OR9Q1: variants seen among roughly 807,000 people sequenced by gnomAD.
OR9Q1 encodes the protein olfactory receptor family 9 subfamily Q member 1.
For synonymous variants in OR9Q1, 153 were observed against 148.6 expected (o/e 1.03, Z -0.22); for missense variants, 374 against 378.8 (o/e 0.99, Z 0.11).
At chr11:58,169,121 T>C (rs970876824) in intron 2 of OR9Q1, among the ~76,000 whole-genome samples, 3 of 152,296 alleles carry the variant, frequency 2.0e-5, no homozygotes, top group East Asian at 1.9e-4. Context: ...TTTAAAGACA[T>C]TTTTCTTTCC....
intron 1 of OR9Q1, among the ~76,000 whole-genome samples, chr11:58,042,532 T>C (rs2119943473): frequency 6.6e-6 from 1 of 151,628 alleles, no homozygotes; most frequent in South Asian, 2.1e-4. Flanking sequence ...AGTACCATGC[T>C]GTTTTGGTGA....
intron 2 of OR9Q1, among the ~76,000 whole-genome samples, chr11:58,155,950 T>C (rs1358577815): frequency 2.1e-4 from 32 of 151,360 alleles, no homozygotes; most frequent in Non-Finnish European, 3.5e-4. Flanking sequence ...GACTTGCTCT[T>C]TCACCCTGGC....
intron 2 of OR9Q1, among the ~76,000 whole-genome samples, chr11:58,088,893 T>G (rs1305093374): frequency 1.3e-5 from 2 of 151,806 alleles, no homozygotes; most frequent in Middle Eastern, 3.2e-3. Context: ...TTTTTGTTTT[T>G]GAGACGGAGT....
At chr11:58,138,341 T>C (rs755029224) in intron 2 of OR9Q1, among the ~76,000 whole-genome samples, 3 of 152,184 alleles carry the variant, frequency 2.0e-5, no homozygotes, top group Non-Finnish European at 4.4e-5. Context: ...TTAAGCACAG[T>C]GAATTTGGAG....
Position 58,037,150 on chromosome 11 carries a change from C to T in OR9Q1, c.-93+13046C>T, listed in dbSNP as rs568456600. The stretch of plus-strand genomic sequence containing the variant: ...AGCAGCCATCGATATTGAGGCAAGT[C>T]CCTCTATAAGCAAAAAGATTAAGAT... On this transcript the variant is annotated intron_variant, in intron 1 of 2. Transcript: ENST00000335397. Among the ~76,000 whole-genome samples the T allele has an allele frequency of 3.3e-5, 5 of 152,284 alleles. No homozygotes were observed. The South Asian group carries it at 1.0e-3, about 32-fold the overall frequency.
chr11:58,096,128 C>A (rs1209007659), intron 2 of OR9Q1, among the ~76,000 whole-genome samples: 1 of 148,626 alleles, frequency 6.7e-6, no homozygotes, highest in Non-Finnish European at 1.5e-5. Flanking sequence ...CCCTCATTTT[C>A]TCTCTCTCTC....
chr11:58,026,601 G>A (rs1852975369), intron 1 of OR9Q1: 1 of 143,574 alleles, frequency 7.0e-6, no homozygotes, highest in African/African-American at 2.6e-5. Flanking sequence ...AGAATCACTT[G>A]AACCTAGGAG....
intron 1 of OR9Q1, among the ~76,000 whole-genome samples, chr11:58,027,751 G>A (rs967184329): frequency 2.2e-4 from 34 of 152,112 alleles, no homozygotes; most frequent in African/African-American, 7.7e-4. Flanking sequence ...ATAAAAAGCC[G>A]TCGGCTGTCC....
At position 58,180,375 on chromosome 11, in the gene OR9Q1, T is replaced by C. The variant is rs765057049; in HGVS notation, c.931T>C (p.Ter311GlnextTer25). ...AATTCTCAATAGAGCCAAGTTGTCC[T>C]AACCATCTCCAAACTTGGAAAATCC... ...RKILNRAKLS[*>Q] Residue 311 changes from the stop codon to glutamine, a stop_lost, in exon 3 of 3, where the codon TAA becomes CAA. Coordinates refer to ENST00000335397, the MANE Select transcript of OR9Q1 (RefSeq NM_001005212.4). The C allele has an allele frequency of 6.4e-7, 1 of 1,559,482 alleles. No homozygotes were observed. The highest frequency in any genetic ancestry group is 1.9e-5 in the Admixed American group (1 of 53,286).
intron 1 of OR9Q1, chr11:58,031,958 A>AGGT: frequency 9.6e-7 from 1 of 1,041,910 alleles, no homozygotes. Context: ...AAAACAGGTT[A>AGGT]GTCAATAACA....
At chr11:58,087,995 C>T (rs1853649675) in intron 2 of OR9Q1, among the ~76,000 whole-genome samples, 1 of 151,814 alleles carries the variant, frequency 6.6e-6, no homozygotes, top group Non-Finnish European at 1.5e-5. Flanking sequence ...TCATGCAATT[C>T]TTGTGCCTCA....
At chr11:58,092,764 A>G (rs1853696419) in intron 2 of OR9Q1, among the ~76,000 whole-genome samples, 1 of 152,100 alleles carries the variant, frequency 6.6e-6, no homozygotes, top group South Asian at 2.1e-4. Flanking sequence ...TTTGTGCTTT[A>G]TTTACCACAA....
At chr11:58,087,768 A>G (rs1197164874) in intron 2 of OR9Q1, among the ~76,000 whole-genome samples, 1 of 143,288 alleles carries the variant, frequency 7.0e-6, no homozygotes. Context: ...CCCTGTGTCC[A>G]TATGTTCTCA....
At chr11:58,173,648 C>T (rs1478212093) in intron 2 of OR9Q1, among the ~76,000 whole-genome samples, 1 of 151,982 alleles carries the variant, frequency 6.6e-6, no homozygotes, top group African/African-American at 2.4e-5. Context: ...CCCCCTGAAC[C>T]CCACCCCCTC....
chr11:58,099,564 A>G (rs1014739085), intron 2 of OR9Q1, among the ~76,000 whole-genome samples: 2 of 151,858 alleles, frequency 1.3e-5, no homozygotes, highest in East Asian at 1.9e-4. Flanking sequence ...GTGGCATATA[A>G]TTTTCCGTTC....
At chr11:58,158,874 G>A (rs941748364) in intron 2 of OR9Q1, among the ~76,000 whole-genome samples, 6 of 152,200 alleles carry the variant, frequency 3.9e-5, no homozygotes, top group African/African-American at 1.4e-4. Flanking sequence ...AGAAATATGA[G>A]GCTAATGTGC....
At chr11:58,096,624 C>T (rs905032204) in intron 2 of OR9Q1, among the ~76,000 whole-genome samples, 1 of 151,722 alleles carries the variant, frequency 6.6e-6, no homozygotes, top group African/African-American at 2.4e-5. Context: ...GTGATCCTCT[C>T]ACCTCAGCCT....
chr11:58,067,333 G>T (rs914022851), intron 2 of OR9Q1, among the ~76,000 whole-genome samples: 2 of 152,078 alleles, frequency 1.3e-5, no homozygotes, highest in African/African-American at 4.8e-5. Context: ...ACCAAGCCCG[G>T]TCCTGTTTTT....
intron 2 of OR9Q1, chr11:58,144,699 A>G (rs563361217): frequency 6.6e-6 from 1 of 152,258 alleles, no homozygotes; most frequent in African/African-American, 2.4e-5. Flanking sequence ...GACATTTGCT[A>G]CTCTTCTGTT....
Sources: allele counts gnomAD v4.1 joint callset (sites outside exome capture counted in the v4.1 genomes callset), GRCh38; gene constraint gnomAD v4.1.1; transcripts MANE v1.5; gene names NCBI Gene and HGNC (gene_info 2026-07-23, HGNC 2026-07-21).